Variants in FPGT observed in about 807,000 individuals in gnomAD.
FPGT encodes the protein GDP-L-fucose diphosphorylase.
In FPGT, 41 loss-of-function variants were observed where a neutral mutation model predicts 45.8. The observed-to-expected ratio is 0.90, with a 90% confidence interval of 0.70 to 1.16. The LOEUF is 1.16. Ranked by LOEUF, FPGT falls within the 50% of genes most tolerant of loss-of-function variation. The pLI is 0.00. For missense variants in FPGT, 755 were observed against 689.1 expected, an observed-to-expected ratio of 1.10 and a Z score of -1.07; for synonymous variants, 292 against 247.2, an observed-to-expected ratio of 1.18 and a Z score of -1.70.
rs184646764 is a variant in FPGT, at chr1:74,208,158, G to A, written c.*2326G>A. On this transcript the variant is annotated 3_prime_UTR_variant, in exon 4 of 4. Coordinates refer to ENST00000370898, the MANE Select transcript of FPGT (RefSeq NM_003838.5). ...GGCACATTCTGTTTTCTGGGGTGTC[G>A]AAATGTGGATAAAAAAAGATGAATT... Among the ~76,000 whole-genome samples, 3 of 150,932 alleles carry A rather than the reference G, an allele frequency of 2.0e-5. No homozygotes were observed. The highest frequency in any genetic ancestry group is 7.3e-5 in the African/African-American group (3 of 41,102).
intron 3 of FPGT, 75 bp downstream of exon 3, chr1:74,201,485 C>A: frequency 1.2e-6 from 1 of 829,708 alleles, no homozygotes; most frequent in Non-Finnish European, 1.8e-6. Context: ...TTTTTTCTTT[C>A]TTGCAAACAC....
At position 74,205,108 on chromosome 1, in the gene FPGT, C is replaced by A. The variant is rs1402171535; in HGVS notation, c.1061C>A (p.Ser354Tyr). The change falls in exon 4 of 4, where the codon TCC becomes TAC. Residue 354 changes from serine to tyrosine, a missense_variant. Ser to Tyr is a moderately radical substitution (Grantham distance 144, BLOSUM62 -2). Transcript: ENST00000370898. ...TSLNVVVLNN[S>Y]KFYHIGTTEE... The stretch of plus-strand genomic sequence containing the variant: ...CTAAATGTTGTTGTTCTTAATAACT[C>A]CAAATTTTATCACATTGGAACAACC... The A allele has an allele frequency of 1.2e-6, 2 of 1,613,690 alleles. No individual in the cohort carries two copies. The highest frequency in any genetic ancestry group is 1.7e-5 in the Admixed American group (1 of 60,006).
Position 74,208,191 on chromosome 1 carries a change from A to T in FPGT, c.*2359A>T, listed in dbSNP as rs1652434727. ...GATAAAAAAAGATGAATTAGGAATG[A>T]TTCTAACCTAAGTATGTGTTTTAAT... On this transcript the variant is annotated 3_prime_UTR_variant, in exon 4 of 4. Coordinates refer to ENST00000370898, the MANE Select transcript of FPGT (RefSeq NM_003838.5). Among the ~76,000 whole-genome samples the T allele has an allele frequency of 6.6e-6, 1 of 151,826 alleles. No homozygotes were observed. The highest frequency in any genetic ancestry group is 1.5e-5 in the Non-Finnish European group (1 of 67,910).
At chr1:74,202,549 A>G (rs1327332422) in intron 3 of FPGT, among the ~76,000 whole-genome samples, 1 of 152,116 alleles carries the variant, frequency 6.6e-6, no homozygotes, top group African/African-American at 2.4e-5. Context: ...TCTTAGTGCT[A>G]AACTTGACTA....
In FPGT at chr1:74,201,390, C is replaced by T. The variant is rs754756649; in HGVS notation, c.323C>T (p.Thr108Ile). ...KLYGDKWNSF[T>I]ILLIHSGGYS... Reference sequence around the variant, plus strand: ...TATGGAGATAAATGGAATTCTTTTACCATCTTATTAATTCACTCTGGTAAT... The same window carrying T: ...TATGGAGATAAATGGAATTCTTTTATCATCTTATTAATTCACTCTGGTAAT... Residue 108 changes from threonine to isoleucine, a missense_variant, in exon 3 of 4, where the codon ACC becomes ATC. Thr to Ile is a moderately conservative substitution (Grantham distance 89, BLOSUM62 -1). Coordinates refer to ENST00000370898, the MANE Select transcript of FPGT (RefSeq NM_003838.5). 13 of 1,608,262 alleles carry T rather than the reference C, an allele frequency of 8.1e-6. No homozygotes were observed. The highest frequency in any genetic ancestry group is 9.3e-6 in the Non-Finnish European group (11 of 1,176,720).
rs1570323562 is a variant in FPGT, at chr1:74,208,117, A to C, written c.*2285A>C. ...TATTGCTGCCTGGCTAATAGCTATT[A>C]TACTATCATTTGTAAGGCACATTCT... On this transcript the variant is annotated 3_prime_UTR_variant, in exon 4 of 4. Transcript: ENST00000370898. Among the ~76,000 whole-genome samples, 1 of 152,104 alleles carries C rather than the reference A, an allele frequency of 6.6e-6. No individual in the cohort carries two copies. The highest frequency in any genetic ancestry group is 1.9e-4 in the East Asian group (1 of 5,174).
At chr1:74,203,368 A>G (rs1228575980) in intron 3 of FPGT, among the ~76,000 whole-genome samples, 1 of 150,202 alleles carries the variant, frequency 6.7e-6, no homozygotes, top group Non-Finnish European at 1.5e-5. Context: ...AGTTTTCTAT[A>G]ACTTTTATTT....
In FPGT at chr1:74,199,646, C is replaced by G; in HGVS notation, c.83-18C>G. ...TTCTGATAATTTTTGTTTTCATTTCCTTGCTTTTTCCAAATAGGCAAACTT... is the reference window on the plus strand; with the variant it reads ...TTCTGATAATTTTTGTTTTCATTTCGTTGCTTTTTCCAAATAGGCAAACTT... On this transcript the variant is annotated intron_variant, in intron 1 of 3. Coordinates refer to ENST00000370898, the MANE Select transcript of FPGT (RefSeq NM_003838.5). 2 of 1,598,716 alleles carry G rather than the reference C, an allele frequency of 1.3e-6. No homozygotes were observed. Among genetic ancestry groups the G allele is most frequent in the Non-Finnish European group, 1.7e-6 (2 of 1,174,810 alleles).
chr1:74,200,711 T>C (rs1651713927), intron 2 of FPGT: 2 of 154,502 alleles, frequency 1.3e-5, no homozygotes, highest in African/African-American at 4.8e-5. Context: ...GGTTTCACCA[T>C]GTTAGCCAGG....
rs1271472807 is a variant in FPGT, at chr1:74,204,813, G to A, written c.766G>A (p.Gly256Ser). The A allele has an allele frequency of 6.2e-7, 1 of 1,613,638 alleles. No individual in the cohort carries two copies. Among genetic ancestry groups the A allele is most frequent in the Non-Finnish European group, 8.5e-7 (1 of 1,179,946 alleles). ...GNFCQQDFAGGDIADLKLDSD... is the reference protein window; with the variant it reads ...GNFCQQDFAGSDIADLKLDSD... The stretch of plus-strand genomic sequence containing the variant: ...TTTTTGTCAACAGGACTTTGCTGGG[G>A]GTGACATTGCCGATCTTAAATTAGA... The change falls in exon 4 of 4, where the codon GGT becomes AGT. Residue 256 changes from glycine to serine, a missense_variant. Transcript: ENST00000370898.
In FPGT at chr1:74,198,374, C is replaced by A; in HGVS notation, c.82+14C>A. The A allele has an allele frequency of 6.2e-7, 1 of 1,614,006 alleles. No homozygotes were observed. Among genetic ancestry groups the A allele is most frequent in the Non-Finnish European group, 8.5e-7 (1 of 1,179,944 alleles). The stretch of plus-strand genomic sequence containing the variant: ...CCGAGCTAAGAGGTACCAGAGAAGG[C>A]ACCGGAGTTCTCCTGGGCAATGCAG... On this transcript the variant is annotated intron_variant, in intron 1 of 3. Transcript: ENST00000370898.
In FPGT at chr1:74,205,607, G is replaced by A; in HGVS notation, c.1560G>A (p.Leu520=). The A allele has an allele frequency of 6.2e-7, 1 of 1,613,334 alleles. No homozygotes were observed. Among genetic ancestry groups the A allele is most frequent in the Non-Finnish European group, 8.5e-7 (1 of 1,179,314 alleles). ...EELFSGNKTC[L]SLWTARIFPV... is the part of the protein sequence containing the mutation. Reference sequence around the variant, plus strand: ...TGTTCTCTGGTAACAAGACATGTCTGAGTTTGTGGACTGCACGCATTTTCC... The same window carrying A: ...TGTTCTCTGGTAACAAGACATGTCTAAGTTTGTGGACTGCACGCATTTTCC... The change falls in exon 4 of 4, where the codon CTG becomes CTA. Residue 520 remains leucine, a synonymous_variant. Transcript: ENST00000370898.
rs1308133150 is a variant in FPGT at position 74,205,757 on chromosome 1, C to T, written c.1710C>T (p.Tyr570=). 1.9e-6 allele frequency: 3 copies of T among 1,596,812 alleles called. No individual in the cohort carries two copies. In the South Asian group the frequency reaches 3.3e-5, roughly 18 times the overall value. ...TGTCCATTGAAGAAATGCTTATCTA[C>T]AAAGATGTAGAAGATATGATAACTT... ...KLLSIEEMLI[Y]KDVEDMITYR... The change falls in exon 4 of 4, where the codon TAC becomes TAT. Residue 570 remains tyrosine (Y), a synonymous_variant. Coordinates refer to ENST00000370898, the MANE Select transcript of FPGT (RefSeq NM_003838.5).
In FPGT at chr1:74,206,116, ATTTTC is replaced by A. The variant is rs1652263223; in HGVS notation, c.*286_*290del. ...TTTCACATAATTAGTTTTAAAGGTA[ATTTTC>A]TAAGCATACCTTTGGAATTTTTCCA... On this transcript the variant is annotated 3_prime_UTR_variant, in exon 4 of 4. Transcript: ENST00000370898. 4.3e-6 allele frequency: 1 copy of A among 234,246 alleles called. No individual in the cohort carries two copies. Among genetic ancestry groups the A allele is most frequent in the South Asian group, 1.3e-4 (1 of 7,962 alleles). The allele number at this position is 234,246 out of a possible 1,614,324, so 14.5% of individuals were successfully genotyped here. A position where few individuals can be genotyped will look rare whatever the true frequency, so the allele number is the denominator to read the frequency against.
In FPGT at chr1:74,199,845, G is replaced by A; in HGVS notation, c.250+14G>A. 6.2e-7 allele frequency: 1 copy of A among 1,612,142 alleles called. No homozygotes were observed. Among genetic ancestry groups the A allele is most frequent in the Non-Finnish European group, 8.5e-7 (1 of 1,179,426 alleles). ...GAGCCAAAATTGGTACGCGCTTTAT[G>A]GTCAGTTTTATAATATAGGTCCTAA... On this transcript the variant is annotated intron_variant, in intron 2 of 3. Transcript: ENST00000370898.
chr1:74,206,403 C>T lies in FPGT; in HGVS notation c.*571C>T, dbSNP rs1207195375. 2.6e-5 allele frequency: 4 copies of T among 152,022 alleles called. No individual in the cohort carries two copies. The highest frequency in any genetic ancestry group is 4.4e-5 in the Non-Finnish European group (3 of 67,968). The allele number at this position is 152,022 out of a possible 1,614,324, so 9.4% of individuals were successfully genotyped here. A position where few individuals can be genotyped will look rare whatever the true frequency, so the allele number is the denominator to read the frequency against. Reference sequence around the variant, plus strand: ...GAAATTGATGATAAAATTTGTATCTCATTAATTTTATCAAAATGAAACTAA... The same window carrying T: ...GAAATTGATGATAAAATTTGTATCTTATTAATTTTATCAAAATGAAACTAA... On this transcript the variant is annotated 3_prime_UTR_variant, in exon 4 of 4. Transcript: ENST00000370898.
rs992927049 is a variant in FPGT, at chr1:74,204,843, G to A, written c.796G>A (p.Asp266Asn). 1 of 1,613,424 alleles carries A rather than the reference G, an allele frequency of 6.2e-7. No individual in the cohort carries two copies. The highest frequency in any genetic ancestry group is 1.3e-5 in the African/African-American group (1 of 74,872). The change falls in exon 4 of 4, where the codon GAC becomes AAC. Residue 266 changes from aspartate to asparagine, a missense_variant. Transcript: ENST00000370898. ...GDIADLKLDSDYVYTDSLFYM... is the reference protein window; with the variant it reads ...GDIADLKLDSNYVYTDSLFYM... Reference sequence around the variant, plus strand: ...CATTGCCGATCTTAAATTAGACTCTGACTATGTCTACACAGATAGCCTATT... The same window carrying A: ...CATTGCCGATCTTAAATTAGACTCTAACTATGTCTACACAGATAGCCTATT...
rs780042474 is a variant in FPGT at position 74,205,807 on chromosome 1, T to G, written c.1760T>G (p.Ile587Ser). ...ITYREQIFLEISLKSSLM is the reference protein window; with the variant it reads ...ITYREQIFLESSLKSSLM ...TACAGGGAACAAATTTTTCTAGAAATCAGTTTAAAAAGCAGTTTGATGTAG... is the reference window on the plus strand; with the variant it reads ...TACAGGGAACAAATTTTTCTAGAAAGCAGTTTAAAAAGCAGTTTGATGTAG... The change falls in exon 4 of 4, where the codon ATC becomes AGC. Residue 587 changes from isoleucine (I) to serine (S), a missense_variant. Physicochemically the swap from Ile to Ser is moderately radical, Grantham distance 142. Coordinates refer to ENST00000370898, the MANE Select transcript of FPGT (RefSeq NM_003838.5). The G allele has an allele frequency of 7.7e-6, 12 of 1,563,476 alleles. No homozygotes were observed. The highest frequency in any genetic ancestry group is 9.6e-6 in the Non-Finnish European group (11 of 1,139,960).
chr1:74,199,938 G>C, intron 2 of FPGT, 107 bp downstream of exon 2: 1 of 1,232,676 alleles, frequency 8.1e-7, no homozygotes, highest in Middle Eastern at 2.1e-4. Flanking sequence ...TCTACCCACA[G>C]CTTTACAAAC....
Sources: gnomAD v4.1 joint callset for allele counts (sites outside exome capture counted in the v4.1 genomes callset) on GRCh38, gnomAD v4.1.1 for gene constraint, MANE v1.5 for transcripts, NCBI Gene and HGNC (gene_info 2026-07-23, HGNC 2026-07-21) for gene names.